Variants in ITGA8 observed in about 807,000 individuals in gnomAD.
ITGA8 encodes integrin alpha-8.
A neutral mutation model predicts 142.3 loss-of-function variants in ITGA8; 91 were observed. The observed-to-expected ratio is 0.64, with a 90% CI of 0.54 to 0.76. The LOEUF (loss-of-function observed/expected upper bound fraction) is 0.76. ITGA8 is among the 30% of genes least tolerant of loss of function. The probability of loss-of-function intolerance (pLI) is 0.00; values close to 1 mark genes in which losing one functional copy is unlikely to be tolerated. For synonymous variants in ITGA8, 505 were observed against 485.2 expected (o/e 1.04, Z -0.54); for missense variants, 1,406 against 1,327.7 (o/e 1.06, Z -0.92).
intron 23 of ITGA8, 46 bp downstream of exon 23, chr10:15,586,538 C>A: frequency 9.0e-7 from 1 of 1,105,794 alleles, no homozygotes; most frequent in Non-Finnish European, 1.4e-6. Context: ...TTTATCTTAA[C>A]TCTACATACA....
intron 13 of ITGA8, among the ~76,000 whole-genome samples, chr10:15,632,345 G>T (rs1275285078): frequency 6.6e-6 from 1 of 152,174 alleles, no homozygotes; most frequent in Admixed American, 6.5e-5. Context: ...ATTTGTTTGA[G>T]AGAGATGACA....
intron 8 of ITGA8, among the ~76,000 whole-genome samples, chr10:15,664,056 C>T (rs927259938): frequency 6.6e-5 from 10 of 152,110 alleles, no homozygotes; most frequent in Admixed American, 6.5e-4. Flanking sequence ...GATATCAGGC[C>T]TTGCACTGTT....
intron 13 of ITGA8, among the ~76,000 whole-genome samples, chr10:15,634,892 G>A (rs186039870): frequency 6.6e-6 from 1 of 151,812 alleles, no homozygotes; most frequent in Non-Finnish European, 1.5e-5. Flanking sequence ...GCTGGGGGAA[G>A]AGTTTATAAG....
intron 25 of ITGA8, among the ~76,000 whole-genome samples, chr10:15,559,676 C>T (rs140029033): frequency 5.3e-5 from 8 of 152,070 alleles, no homozygotes; most frequent in African/African-American, 1.4e-4. Context: ...TTTGTAGGGA[C>T]GTGGATGGAA....
intron 6 of ITGA8, 51 bp downstream of exon 6, chr10:15,677,541 C>T (rs1419041657): frequency 1.0e-5 from 15 of 1,486,222 alleles, no homozygotes; most frequent in Non-Finnish European, 1.4e-5. Flanking sequence ...TGGGTCCATC[C>T]TTCTGTTAGT....
rs2353415 is a variant in ITGA8, at chr10:15,598,627, C to A, written c.2119-1328G>T. ...CACAAAGTAAGTGATGGTTCAGGAA[C>A]AACAGAGTAGAGGCAGCTGACACTT... is the stretch of plus-strand genomic sequence containing the variant. On this transcript the variant is annotated intron_variant, in intron 20 of 29. Coordinates refer to ENST00000378076, the MANE Select transcript of ITGA8 (RefSeq NM_003638.3). Among the ~76,000 whole-genome samples the A allele has an allele frequency of 2.0e-3, 300 of 152,278 alleles. 3 individuals carry two copies. Among genetic ancestry groups the A allele is most frequent in the African/African-American group, 6.9e-3 (286 of 41,564 alleles).
At chr10:15,523,887 G>A (rs1158202880) in intron 28 of ITGA8, among the ~76,000 whole-genome samples, 1 of 151,888 alleles carries the variant, frequency 6.6e-6, no homozygotes, top group Non-Finnish European at 1.5e-5. Context: ...AGCCAAGATC[G>A]CACCACTGCA....
At chr10:15,676,072 G>A (rs1834624510) in intron 6 of ITGA8, among the ~76,000 whole-genome samples, 1 of 151,826 alleles carries the variant, frequency 6.6e-6, no homozygotes, top group African/African-American at 2.4e-5. Context: ...TGTGAAATTA[G>A]CGGGCCACTC....
At chr10:15,682,634 C>G (rs547034556) in intron 4 of ITGA8, among the ~76,000 whole-genome samples, 1 of 152,180 alleles carries the variant, frequency 6.6e-6, no homozygotes. Flanking sequence ...GCGGATGGAT[C>G]GCATGAGCAC....
intron 29 of ITGA8, among the ~76,000 whole-genome samples, chr10:15,517,461 T>A (rs750863999): frequency 6.6e-6 from 1 of 152,092 alleles, no homozygotes; most frequent in Non-Finnish European, 1.5e-5. Context: ...GTAGCTGGGA[T>A]TACAGGCCTG....
Position 15,672,609 on chromosome 10 carries a change from G to A in ITGA8, c.802+15C>T. ...CTTTTGAAAAACCACAAATGTCTTG[G>A]GCAATGGGTCTTACCAAGGTAACTG... is the stretch of plus-strand genomic sequence containing the variant. On this transcript the variant is annotated intron_variant, in intron 7 of 29. Transcript: ENST00000378076. 6.2e-7 allele frequency: 1 copy of A among 1,604,508 alleles called. No homozygotes were observed. The highest frequency in any genetic ancestry group is 8.5e-7 in the Non-Finnish European group (1 of 1,176,608).
At chr10:15,657,559 C>T (rs1219884443) in intron 10 of ITGA8, among the ~76,000 whole-genome samples, 1 of 124,110 alleles carries the variant, frequency 8.1e-6, no homozygotes, top group Non-Finnish European at 1.6e-5. Context: ...CACTATGTTG[C>T]CCAGGCTGGT....
At chr10:15,540,262 C>A (rs1364084665) in intron 27 of ITGA8, among the ~76,000 whole-genome samples, 3 of 152,172 alleles carry the variant, frequency 2.0e-5, no homozygotes, top group East Asian at 1.9e-4. Flanking sequence ...ATTTTTGTAC[C>A]CTTTAACCAA....
chr10:15,666,425 C>T lies in ITGA8; in HGVS notation c.847+5178G>A, dbSNP rs1488199492. Among the ~76,000 whole-genome samples the T allele has an allele frequency of 1.1e-4, 17 of 152,210 alleles. 1 individual carries two copies. The highest frequency in any genetic ancestry group is 1.3e-4 in the Non-Finnish European group (9 of 68,018). On this transcript the variant is annotated intron_variant, in intron 8 of 29. Transcript: ENST00000378076. ...AGCTTGAGGAGATTTTGGGCTGAGA[C>T]GATGGGGTTTTCTAGATATACAGTC...
intron 16 of ITGA8, 152 bp from the exon 17 acceptor site, chr10:15,607,983 A>G (rs1282782372): frequency 7.3e-6 from 5 of 689,440 alleles, no homozygotes; most frequent in African/African-American, 7.2e-5. Flanking sequence ...AAATTGTATA[A>G]CATACTCTCC....
rs529228548 is a variant in ITGA8, at chr10:15,701,653, T to C, written c.344-13615A>G. Among the ~76,000 whole-genome samples the C allele has an allele frequency of 7.2e-5, 11 of 152,284 alleles. No homozygotes were observed. In the South Asian group the frequency reaches 2.3e-3, roughly 32 times the overall value. Reference sequence around the variant, plus strand: ...TCGCCCTGGGACAGAAGAGAAGAGTTGTAACTCACACAGGTGTGACCAAAC... The same window carrying C: ...TCGCCCTGGGACAGAAGAGAAGAGTCGTAACTCACACAGGTGTGACCAAAC... On this transcript the variant is annotated intron_variant, in intron 2 of 29. Transcript: ENST00000378076.
intron 28 of ITGA8, among the ~76,000 whole-genome samples, chr10:15,529,013 C>T (rs1324653370): frequency 6.6e-6 from 1 of 150,386 alleles, no homozygotes; most frequent in African/African-American, 2.5e-5. Flanking sequence ...CTTCCCCTTC[C>T]TTCCTCCCTG....
intron 4 of ITGA8, among the ~76,000 whole-genome samples, chr10:15,679,787 T>C (rs1834701405): frequency 6.6e-6 from 1 of 152,166 alleles, no homozygotes; most frequent in African/African-American, 2.4e-5. Flanking sequence ...TTGTAAGCTA[T>C]AGGCAGGCCA....
chr10:15,683,902 AC>A (rs1454500279), intron 4 of ITGA8, 101 bp downstream of exon 4: 12 of 1,399,804 alleles, frequency 8.6e-6, no homozygotes, highest in Middle Eastern at 1.8e-4. Flanking sequence ...TTTCCTTGCA[AC>A]CCTGTAAGTT....
Sources: allele counts gnomAD v4.1 joint callset (sites outside exome capture counted in the v4.1 genomes callset), GRCh38; gene constraint gnomAD v4.1.1; transcripts MANE v1.5; gene names NCBI Gene and HGNC (gene_info 2026-07-23, HGNC 2026-07-21).